Variants in CDK12 observed in about 807,000 individuals in gnomAD.
The protein encoded by CDK12 is cyclin-dependent kinase 12.
Under a neutral mutation model 133.8 loss-of-function variants are expected in CDK12, and 17 were observed. The observed-to-expected ratio is 0.13, with a 90% CI of 0.09 to 0.19. CDK12 has a LOEUF of 0.19. CDK12 is among the 10% of genes least tolerant of loss of function. The pLI is 1.00. For missense variants in CDK12, 1,508 were observed against 1,818.7 expected (o/e 0.83, Z 3.11); for synonymous variants, 694 against 683.6 (o/e 1.02, Z -0.24).
intron 5 of CDK12, among the ~76,000 whole-genome samples, chr17:39,498,878 T>G (rs1305706727): frequency 0.01 from 2 of 200 alleles, 1 homozygote; most frequent in Non-Finnish European, 0.025. Context: ...ATTTTCTCTT[T>G]CTTTCTTTCT....
At chr17:39,502,756 A>G (rs982928938) in intron 6 of CDK12, among the ~76,000 whole-genome samples, 6 of 152,302 alleles carry the variant, frequency 3.9e-5, no homozygotes, top group Non-Finnish European at 7.4e-5. Context: ...AAAAACTGAC[A>G]GTGGGTGGGT....
At chr17:39,494,937 T>C (rs1208341054) in intron 5 of CDK12, among the ~76,000 whole-genome samples, 12 of 151,914 alleles carry the variant, frequency 7.9e-5, no homozygotes. Context: ...ACCCAGCTAA[T>C]TTTTTGTATT....
At chr17:39,518,897 C>T (rs1326674282) in intron 10 of CDK12, among the ~76,000 whole-genome samples, 2 of 151,988 alleles carry the variant, frequency 1.3e-5, no homozygotes, top group Non-Finnish European at 2.9e-5. Flanking sequence ...TATAGCACAG[C>T]ATTTCTCGTT....
chr17:39,482,015 C>CTTTTTTTTTTTTTTT lies in CDK12; in HGVS notation c.1932-8540_1932-8526dup, dbSNP rs56340258. Among the ~76,000 whole-genome samples, 21 of 96,240 alleles carry CTTTTTTTTTTTTTTT rather than the reference C, an allele frequency of 2.2e-4. 3 individuals carry two copies. The highest frequency in any genetic ancestry group is 8.6e-4 in the South Asian group (2 of 2,324). The allele number at this position is 96,240 out of a possible 152,430, so 63.1% of individuals were successfully genotyped here. ...GATTACAGGCATGAGCCTGGCTTGC[C>CTTTTTTTTTTTTTTT]TTTTTTTTTTTTTTTTAACAGAGTT... On this transcript the variant is annotated intron_variant, in intron 2 of 13. Transcript: ENST00000447079.
downstream of CDK12, among the ~76,000 whole-genome samples, chr17:39,538,904 A>AATAAATACATAC (rs778096927): frequency 6.2e-3 from 903 of 144,984 alleles, 4 homozygotes; most frequent in East Asian, 1.0e-2. Context: ...ATCTCAAATA[A>AATAAATACATAC]ATACATACAT....
Position 39,494,517 on chromosome 17 carries a change from T to C in CDK12, c.2249-7T>C, listed in dbSNP as rs2051914278. ...TTGATAATAACAGTTTACATTTGTT[T>C]TGGCAGGAGAACTAGTGGCTCTGAA... On this transcript the variant is annotated splice_polypyrimidine_tract_variant and splice_region_variant and intron_variant, in intron 4 of 13. Coordinates refer to ENST00000447079, the MANE Select transcript of CDK12 (RefSeq NM_016507.4). 1 of 1,613,364 alleles carries C rather than the reference T, an allele frequency of 6.2e-7. No homozygotes were observed. The highest frequency in any genetic ancestry group is 1.1e-5 in the South Asian group (1 of 90,996).
chr17:39,500,988 G>A (rs528960612), intron 5 of CDK12, among the ~76,000 whole-genome samples: 10 of 152,092 alleles, frequency 6.6e-5, no homozygotes, highest in African/African-American at 2.2e-4. Flanking sequence ...CGCCCTCCTC[G>A]GCCTCCCAAA....
chr17:39,544,428 ACCCCACCCCAC>A (rs2055571204), upstream of CDK12: 1 of 195,394 alleles, frequency 5.1e-6, no homozygotes. Flanking sequence ...CTCCCATCCC[ACCCCACCCCAC>A]CCCTGGTCTT....
Position 39,515,786 on chromosome 17 carries a change from C to G in CDK12, c.2824C>G (p.Leu942Val). ...KKPIFQANLELAQLELISRLC... is the reference protein window; with the variant it reads ...KKPIFQANLEVAQLELISRLC... ...GCCTATTTTTCAAGCCAATCTGGAA[C>G]TGGCTCAGCTAGAACTGATCAGGTA... The change falls in exon 9 of 14, where the codon CTG (leucine) becomes GTG (valine). Residue 942 changes from leucine to valine, a missense_variant. Around this residue, in one of 9 missense-constraint regions of CDK12, gnomAD observed 82 missense variants for 201.5 expected, o/e 0.41. Coordinates refer to ENST00000447079, the MANE Select transcript of CDK12 (RefSeq NM_016507.4). 6.2e-7 allele frequency: 1 copy of G among 1,613,378 alleles called. No individual in the cohort carries two copies. Among genetic ancestry groups the G allele is most frequent in the Non-Finnish European group, 8.5e-7 (1 of 1,179,426 alleles).
Position 39,531,430 on chromosome 17 carries a change from C to A in CDK12, c.*114C>A. On this transcript the variant is annotated 3_prime_UTR_variant, in exon 14 of 14. Transcript: ENST00000447079. ...CGAGGTAATCATCTGCATTTGGCTA[C>A]TGCAAAGCTGTCCGTTGTATTCCTT... The A allele has an allele frequency of 9.6e-7, 1 of 1,041,694 alleles. No homozygotes were observed. The highest frequency in any genetic ancestry group is 1.3e-6 in the Non-Finnish European group (1 of 778,748). The allele number at this position is 1,041,694 out of a possible 1,614,324, so 64.5% of individuals were successfully genotyped here. A position where few individuals can be genotyped will look rare whatever the true frequency, so the allele number is the denominator to read the frequency against.
chr17:39,477,809 G>A lies in CDK12; in HGVS notation c.1931+6046G>A, dbSNP rs539760950. ...AGGATGATCTCGATCTCCTGACCTC[G>A]TGATCTGCCCACCTTGGCCTCCCAA... On this transcript the variant is annotated intron_variant, in intron 2 of 13. Transcript: ENST00000447079. Among the ~76,000 whole-genome samples, 6 of 151,150 alleles carry A rather than the reference G, an allele frequency of 4.0e-5. No homozygotes were observed. In the East Asian group the frequency reaches 5.9e-4, roughly 15 times the overall value.
chr17:39,476,006 C>T (rs1005744295), intron 2 of CDK12, among the ~76,000 whole-genome samples: 7 of 151,280 alleles, frequency 4.6e-5, no homozygotes, highest in African/African-American at 1.7e-4. Flanking sequence ...GCTATAGGAA[C>T]CTCATTTCAA....
Position 39,463,007 on chromosome 17 carries a change from CT to C in CDK12, c.937del (p.Tyr313ThrfsTer25), listed in dbSNP as rs1462099114. On this transcript the variant is annotated frameshift_variant, in exon 1 of 14. Coordinates refer to ENST00000447079, the MANE Select transcript of CDK12 (RefSeq NM_016507.4). LOFTEE classifies it high-confidence loss of function. ...SPYSRRRSSSYERSGSYSGRS... is the reference protein window; with the variant it reads ...SPYSRRRSSSXERSGSYSGRS... ...CCTATAGCAGGAGACGGTCGTCCAG[CT>C]ACGAAAGAAGTGGCTCTTACAGCGG... The C allele has an allele frequency of 6.2e-7, 1 of 1,614,078 alleles. No individual in the cohort carries two copies. The highest frequency in any genetic ancestry group is 8.5e-7 in the Non-Finnish European group (1 of 1,180,034).
chr17:39,485,310 G>A (rs1370343077), intron 2 of CDK12, among the ~76,000 whole-genome samples: 1 of 152,026 alleles, frequency 6.6e-6, no homozygotes, highest in African/African-American at 2.4e-5. Context: ...GATTGGCTGG[G>A]CATGGTGGCT....
chr17:39,471,080 T>C lies in CDK12; in HGVS notation c.1248T>C (p.Asp416=), dbSNP rs144241130. The C allele has an allele frequency of 1.5e-4, 250 of 1,613,740 alleles. No individual in the cohort carries two copies. The African/African-American group carries it at 2.9e-3, about 19-fold the overall frequency. Residue 416 remains aspartate, a synonymous_variant, in exon 2 of 14, where the codon GAT becomes GAC. Transcript: ENST00000447079. The part of the protein sequence containing the change: ...RAAAAAAAKM[D]GKESKGSPVF... ...CTGCTGCTGCTGCAGCAAAGATGGA[T>C]GGAAAGGAGTCCAAGGGTTCACCTG...
At chr17:39,544,590 G>A (rs1330911450), upstream of CDK12, among the ~76,000 whole-genome samples, 2 of 148,270 alleles carry the variant, frequency 1.3e-5, no homozygotes, top group African/African-American at 5.0e-5. Flanking sequence ...TGATTCTCGT[G>A]CCTCAGCCTC....
intron 8 of CDK12, among the ~76,000 whole-genome samples, chr17:39,513,997 TGAC>T (rs1315169022): frequency 6.6e-6 from 1 of 152,226 alleles, no homozygotes; most frequent in Non-Finnish European, 1.5e-5. Flanking sequence ...TTACCCGCTG[TGAC>T]GACAACATTG....
intron 5 of CDK12, among the ~76,000 whole-genome samples, chr17:39,494,903 G>A (rs924873425): frequency 1.2e-4 from 18 of 151,692 alleles, no homozygotes; most frequent in Non-Finnish European, 2.2e-4. Context: ...CTGAGCAGCT[G>A]GGACTACAGG....
intron 5 of CDK12, among the ~76,000 whole-genome samples, chr17:39,496,695 CTG>C (rs1459838845): frequency 2.0e-5 from 3 of 151,914 alleles, no homozygotes; most frequent in Non-Finnish European, 4.4e-5. Flanking sequence ...GAGCAAAACT[CTG>C]TCTCAAAAAA....
Sources: gnomAD v4.1 joint callset for allele counts (sites outside exome capture counted in the v4.1 genomes callset) on GRCh38, gnomAD v4.1.1 for gene constraint, gnomAD v4.1.1 regional missense constraint, MANE v1.5 for transcripts, NCBI Gene and HGNC (gene_info 2026-07-23, HGNC 2026-07-21) for gene names.